Variants in LMNTD1 observed in about 807,000 individuals in gnomAD.
LMNTD1 encodes the protein lamin tail domain containing 1.
Under a neutral mutation model 50.9 loss-of-function variants are expected in LMNTD1, and 35 were observed. The observed-to-expected ratio is 0.69, with a 90% CI of 0.53 to 0.91. The LOEUF (loss-of-function observed/expected upper bound fraction) is 0.91, where lower values mean the gene tolerates loss of function less well. LMNTD1 is among the 40% of genes least tolerant of loss of function. The pLI is 0.00. For synonymous variants in LMNTD1, 153 were observed against 161.9 expected (o/e 0.94, Z 0.42); for missense variants, 470 against 475.5 (o/e 0.99, Z 0.11).
chr12:25,638,272 A>G (rs1457050042), intron 1 of LMNTD1, among the ~76,000 whole-genome samples: 2 of 152,128 alleles, frequency 1.3e-5, no homozygotes, highest in African/African-American at 2.4e-5. Context: ...CTCTAAGATC[A>G]AGAACAAGAC....
At chr12:25,527,403 A>T (rs893632013) in intron 4 of LMNTD1, among the ~76,000 whole-genome samples, 5 of 151,642 alleles carry the variant, frequency 3.3e-5, no homozygotes, top group Non-Finnish European at 7.4e-5. Context: ...AACTTTAAAT[A>T]AACATAGGAT....
At chr12:25,541,593 T>G (rs11048102) in intron 4 of LMNTD1, among the ~76,000 whole-genome samples, 1 of 54,322 alleles carries the variant, frequency 1.8e-5, no homozygotes. Flanking sequence ...AAGACTTAAA[T>G]GTTAGACCTA....
chr12:25,567,063 G>A (rs1244860652), intron 1 of LMNTD1, among the ~76,000 whole-genome samples: 1 of 152,172 alleles, frequency 6.6e-6, no homozygotes, highest in Non-Finnish European at 1.5e-5. Context: ...GAGTACTAGG[G>A]TGGATGACAT....
At position 25,640,992 on chromosome 12, in the gene LMNTD1, T is replaced by C. The variant is rs76215338; in HGVS notation, c.58+7502A>G. The stretch of plus-strand genomic sequence containing the variant: ...AGAAAAGTGTTTTTAATTTGAAGTA[T>C]ATTTAGTTTTCTTTTCTGTTCATTT... On this transcript the variant is annotated intron_variant, in intron 1 of 7. Transcript: ENST00000445693. Among the ~76,000 whole-genome samples, 490 of 152,344 alleles carry C rather than the reference T, an allele frequency of 3.2e-3. 2 individuals carry two copies. Among genetic ancestry groups the C allele is most frequent in the African/African-American group, 0.012 (479 of 41,574 alleles).
In LMNTD1 at chr12:25,620,507, G is replaced by T. The variant is rs574150556; in HGVS notation, c.58+27987C>A. Among the ~76,000 whole-genome samples the T allele has an allele frequency of 4.6e-5, 7 of 152,080 alleles. No individual in the cohort carries two copies. The East Asian group carries it at 1.3e-3, about 29-fold the overall frequency. On this transcript the variant is annotated intron_variant, in intron 1 of 7. Transcript: ENST00000445693. ...TAAAGTATACCTTTTCAATATAAAT[G>T]CTTCTTTTCTTCAACAAGATAGGAG...
intron 8 of LMNTD1, among the ~76,000 whole-genome samples, chr12:25,511,579 C>T (rs1322916798): frequency 6.6e-6 from 1 of 152,162 alleles, no homozygotes; most frequent in Non-Finnish European, 1.5e-5. Context: ...ATCTTTCCTA[C>T]TCCATTTCAT....
At chr12:25,525,051 T>C (rs762310159) in intron 6 of LMNTD1, among the ~76,000 whole-genome samples, 1 of 152,180 alleles carries the variant, frequency 6.6e-6, no homozygotes, top group Non-Finnish European at 1.5e-5. Context: ...TTGTTAGTAG[T>C]TATATGACAT....
chr12:25,549,952 T>C (rs191099675), intron 2 of LMNTD1, among the ~76,000 whole-genome samples: 2 of 152,318 alleles, frequency 1.3e-5, no homozygotes, highest in Admixed American at 1.3e-4. Flanking sequence ...ATTTTCCCTT[T>C]CCGTTATCAT....
At chr12:25,594,623 A>G (rs1945793489) in intron 1 of LMNTD1, among the ~76,000 whole-genome samples, 1 of 148,914 alleles carries the variant, frequency 6.7e-6, no homozygotes, top group Non-Finnish European at 1.5e-5. Flanking sequence ...TAAAGCATAA[A>G]TCTCACAGGA....
chr12:25,562,677 T>G (rs1394623400), intron 1 of LMNTD1, among the ~76,000 whole-genome samples: 1 of 152,216 alleles, frequency 6.6e-6, no homozygotes, highest in African/African-American at 2.4e-5. Flanking sequence ...ATTTGAATGT[T>G]GGCCTGCCTT....
At chr12:25,488,634 G>A (rs1190663590) in intron 9 of LMNTD1, among the ~76,000 whole-genome samples, 6 of 151,636 alleles carry the variant, frequency 4.0e-5, no homozygotes, top group Non-Finnish European at 8.8e-5. Context: ...CTCTCAGCTC[G>A]TCAAAGTCAT....
intron 1 of LMNTD1, among the ~76,000 whole-genome samples, chr12:25,571,451 C>T (rs1029969426): frequency 2.0e-5 from 3 of 151,798 alleles, no homozygotes; most frequent in African/African-American, 7.3e-5. Flanking sequence ...GCAAGCTCTG[C>T]CACCCAGGTC....
intron 1 of LMNTD1, among the ~76,000 whole-genome samples, chr12:25,601,573 C>A (rs1000010909): frequency 4.0e-5 from 6 of 151,608 alleles, no homozygotes; most frequent in African/African-American, 1.5e-4. Context: ...TCTCATGTAC[C>A]CCACAAATAT....
chr12:25,632,986 C>T lies in LMNTD1; in HGVS notation c.58+15508G>A, dbSNP rs141378158. On this transcript the variant is annotated intron_variant, in intron 1 of 7. Transcript: ENST00000445693. ...TAAAAGGGTGGAAAAAGGCATTTCA[C>T]GCAAATAGACACCAAAAGTGAGCAG... is the stretch of plus-strand genomic sequence containing the variant. Among the ~76,000 whole-genome samples the T allele has an allele frequency of 2.8e-4, 42 of 150,548 alleles. 1 individual carries two copies. The East Asian group carries it at 4.3e-3, about 15-fold the overall frequency.
At chr12:25,593,132 A>T (rs1285914285) in intron 1 of LMNTD1, among the ~76,000 whole-genome samples, 1 of 143,284 alleles carries the variant, frequency 7.0e-6, no homozygotes, top group Non-Finnish European at 1.5e-5. Context: ...GTCCTTCCCT[A>T]CCCACCCTGG....
chr12:25,584,664 A>G (rs574516655), intron 1 of LMNTD1, among the ~76,000 whole-genome samples: 1 of 152,390 alleles, frequency 6.6e-6, no homozygotes, highest in South Asian at 2.1e-4. Flanking sequence ...ACATCTGCAA[A>G]GAATGATTCC....
intron 9 of LMNTD1, among the ~76,000 whole-genome samples, chr12:25,502,161 C>G (rs1016227029): frequency 6.6e-6 from 1 of 152,080 alleles, no homozygotes; most frequent in Non-Finnish European, 1.5e-5. Flanking sequence ...AAACCTCTGC[C>G]AAATTGTTAT....
chr12:25,624,466 G>A (rs1946542759), intron 1 of LMNTD1, among the ~76,000 whole-genome samples: 1 of 152,212 alleles, frequency 6.6e-6, no homozygotes, highest in African/African-American at 2.4e-5. Flanking sequence ...GGCTGTTAAA[G>A]TAGAAAAAAG....
chr12:25,491,157 A>AT (rs1303487695), intron 9 of LMNTD1, among the ~76,000 whole-genome samples: 4 of 152,198 alleles, frequency 2.6e-5, no homozygotes, highest in Admixed American at 1.3e-4. Context: ...GTGCTTGATC[A>AT]TTTTTTCCCC....
Sources: allele counts gnomAD v4.1 joint callset (sites outside exome capture counted in the v4.1 genomes callset), GRCh38; gene constraint gnomAD v4.1.1; transcripts MANE v1.5; gene names NCBI Gene and HGNC (gene_info 2026-07-23, HGNC 2026-07-21).